RGS8: variants seen among roughly 807,000 people sequenced by gnomAD.
The protein encoded by RGS8 is regulator of G protein signaling 8.
RGS8 carries 8 observed loss-of-function variants against 21.7 expected under a neutral mutation model. The ratio of observed to expected loss-of-function variants is 0.37; its 90% CI spans 0.22 to 0.66. RGS8 has a LOEUF of 0.66. Among genes scored for constraint, RGS8 ranks in the 30% least tolerant of loss-of-function variants. The pLI is 0.59. For synonymous variants in RGS8, 80 were observed against 83.6 expected, an observed-to-expected ratio of 0.96 and a Z score of 0.24; for missense variants, 157 against 217.9, an observed-to-expected ratio of 0.72 and a Z score of 1.76.
chr1:182,648,330 G>C, intron 5 of RGS8, 27 bp from the exon 7 acceptor site: 13 of 1,607,348 alleles, frequency 8.1e-6, no homozygotes, highest in Non-Finnish European at 1.1e-5. Flanking sequence ...AAGAAAAGAA[G>C]AGAGATAGGA....
exon 7 of RGS8, chr1:182,646,845 G>C: frequency 1.2e-6 from 2 of 1,614,094 alleles, no homozygotes; most frequent in Non-Finnish European, 8.5e-7. Context: ...CCTTGGGCTT[G>C]GTCAAAGCAA....
intron 5 of RGS8, among the ~76,000 whole-genome samples, chr1:182,650,506 A>T (rs946410620): frequency 2.0e-5 from 3 of 152,218 alleles, no homozygotes; most frequent in African/African-American, 7.2e-5. Context: ...GGTGACTCCC[A>T]ACACTAAGCT....
chr1:182,730,089 G>A, the RGS8 span, among the ~76,000 whole-genome samples: 1 of 152,150 alleles, frequency 6.6e-6, no homozygotes, highest in East Asian at 1.9e-4. Flanking sequence ...AGGAGCAAAT[G>A]GCAAGTCCAA....
chr1:182,751,764 A>G, the RGS8 span, among the ~76,000 whole-genome samples: 3 of 152,204 alleles, frequency 2.0e-5, no homozygotes, highest in Non-Finnish European at 4.4e-5. Flanking sequence ...TGAATTAGGA[A>G]TTCTGATATA....
chr1:182,677,576 A>G (rs1345595330), upstream of RGS8, among the ~76,000 whole-genome samples: 1 of 152,238 alleles, frequency 6.6e-6, no homozygotes, highest in African/African-American at 2.4e-5. Flanking sequence ...ACAAAAATGT[A>G]TAAGATAGCA....
upstream of RGS8, among the ~76,000 whole-genome samples, chr1:182,686,498 C>T (rs771130325): frequency 3.3e-5 from 5 of 152,168 alleles, no homozygotes; most frequent in Middle Eastern, 3.4e-3. Context: ...ATTAGCATGA[C>T]GAGATCCTCT....
chr1:182,682,318 G>A (rs1183776610), intron 1 of RGS8, among the ~76,000 whole-genome samples: 2 of 152,198 alleles, frequency 1.3e-5, no homozygotes, highest in Non-Finnish European at 2.9e-5. Context: ...TAAGTTGGAA[G>A]AACAGGCATA....
chr1:182,733,046 G>T, the RGS8 span, among the ~76,000 whole-genome samples: 1 of 152,200 alleles, frequency 6.6e-6, no homozygotes, highest in African/African-American at 2.4e-5. Context: ...CCTGAATACA[G>T]AAGCAAGTGC....
the RGS8 span, among the ~76,000 whole-genome samples, chr1:182,708,802 A>G: frequency 2.6e-5 from 4 of 152,240 alleles, no homozygotes; most frequent in African/African-American, 9.6e-5. Flanking sequence ...GCAGGAAGCC[A>G]CTTTCTCTTT....
the RGS8 span, among the ~76,000 whole-genome samples, chr1:182,728,458 C>G: frequency 6.6e-6 from 1 of 152,014 alleles, no homozygotes; most frequent in African/African-American, 2.4e-5. Flanking sequence ...AGAAGTTTAG[C>G]ATAATGATAA....
chr1:182,673,829 A>G (rs940289071), upstream of RGS8, among the ~76,000 whole-genome samples: 4 of 152,208 alleles, frequency 2.6e-5, no homozygotes, highest in African/African-American at 9.7e-5. Flanking sequence ...ATAAAAGCCC[A>G]TTGATAAGCA....
At chr1:182,744,632 T>C in the RGS8 span, among the ~76,000 whole-genome samples, 1 of 152,246 alleles carries the variant, frequency 6.6e-6, no homozygotes, top group Non-Finnish European at 1.5e-5. Context: ...ACCACTGTGT[T>C]ACAATTGCCT....
the RGS8 span, among the ~76,000 whole-genome samples, chr1:182,718,731 C>G: frequency 6.6e-6 from 1 of 152,060 alleles, no homozygotes; most frequent in African/African-American, 2.4e-5. Context: ...GTTTTCTGGC[C>G]GTTGTCTTAA....
At chr1:182,722,150 T>C in the RGS8 span, among the ~76,000 whole-genome samples, 1 of 152,072 alleles carries the variant, frequency 6.6e-6, no homozygotes, top group Non-Finnish European at 1.5e-5. Context: ...AAGAAGGTAG[T>C]TCCAGAGGAA....
chr1:182,679,587 A>G (rs1463595661), intron 1 of RGS8, among the ~76,000 whole-genome samples: 2 of 151,918 alleles, frequency 1.3e-5, no homozygotes, highest in Non-Finnish European at 2.9e-5. Context: ...TCCTAACTAC[A>G]TTGGGTATAT....
At chr1:182,669,601 A>G (rs201106942) in intron 3 of RGS8, 23 bp downstream of exon 4, 55 of 1,614,244 alleles carry the variant, frequency 3.4e-5, no homozygotes, top group Non-Finnish European at 4.4e-5. Flanking sequence ...CAGGGGCAAG[A>G]AAACAGGCCA....
At chr1:182,677,736 C>T (rs932079912), upstream of RGS8, among the ~76,000 whole-genome samples, 2 of 152,286 alleles carry the variant, frequency 1.3e-5, no homozygotes, top group Non-Finnish European at 2.9e-5. Flanking sequence ...TTTCTTTATT[C>T]ACTACTTTAT....
the RGS8 span, among the ~76,000 whole-genome samples, chr1:182,707,910 G>A: frequency 1.3e-5 from 2 of 152,026 alleles, no homozygotes; most frequent in African/African-American, 2.4e-5. Flanking sequence ...GTTTCACCGT[G>A]TTAGCCAGGA....
the RGS8 span, among the ~76,000 whole-genome samples, chr1:182,690,055 G>A: frequency 6.6e-6 from 1 of 152,144 alleles, no homozygotes. Flanking sequence ...ACAAATCCCA[G>A]CTCAGCCACT....
Sources: allele counts gnomAD v4.1 joint callset (sites outside exome capture counted in the v4.1 genomes callset), GRCh38; gene constraint gnomAD v4.1.1; transcripts MANE v1.5; gene names NCBI Gene and HGNC (gene_info 2026-07-23, HGNC 2026-07-21).